Variants in ZXDC observed in about 807,000 individuals in gnomAD.
ZXDC encodes the protein zinc finger protein ZXDC.
A neutral mutation model predicts 63.6 loss-of-function variants in ZXDC; 58 were observed. The ratio of observed to expected loss-of-function variants is 0.91; its 90% CI spans 0.74 to 1.13. ZXDC has a LOEUF of 1.13. Among genes scored for constraint, ZXDC ranks in the 50% most tolerant of loss-of-function variants. The probability of loss-of-function intolerance (pLI) is 0.00; values close to 1 mark genes in which losing one functional copy is unlikely to be tolerated. For synonymous variants in ZXDC, 561 were observed against 496.1 expected (o/e 1.13, Z -1.74); for missense variants, 1,133 against 1,148.9 (o/e 0.99, Z 0.20).
intron 7 of ZXDC, among the ~76,000 whole-genome samples, chr3:126,449,623 A>G (rs994754078): frequency 6.6e-6 from 1 of 152,198 alleles, no homozygotes; most frequent in African/African-American, 2.4e-5. Context: ...TGGCAAAGTC[A>G]ATTCCATTTC....
At chr3:126,460,478 G>C (rs1934481707) in intron 6 of ZXDC, 4 of 985,410 alleles carry the variant, frequency 4.1e-6, no homozygotes, top group Non-Finnish European at 4.8e-6. Context: ...CCAAGGTCTT[G>C]CTGGCTTCTC....
chr3:126,450,266 G>A (rs1268024845), intron 7 of ZXDC: 1 of 450,372 alleles, frequency 2.2e-6, no homozygotes, highest in Non-Finnish European at 4.5e-6. Context: ...GGTCAGTGGT[G>A]TGGAGGGAGC....
At chr3:126,463,071 TA>T (rs1407824995) in intron 5 of ZXDC, among the ~76,000 whole-genome samples, 104 of 92,146 alleles carry the variant, frequency 1.1e-3, no homozygotes, top group Non-Finnish European at 1.6e-3. Flanking sequence ...TAATTATTAT[TA>T]TTATTATTTT....
intron 9 of ZXDC, among the ~76,000 whole-genome samples, chr3:126,438,773 G>A (rs920392351): frequency 2.6e-5 from 4 of 152,118 alleles, no homozygotes; most frequent in Non-Finnish European, 4.4e-5. Flanking sequence ...CTTCTCACGC[G>A]GTGAGCACTC....
At chr3:126,453,286 T>C in intron 7 of ZXDC, 2 of 985,490 alleles carry the variant, frequency 2.0e-6, no homozygotes, top group African/African-American at 1.7e-5. Context: ...CTTTTTTTAA[T>C]TGCTCAGACA....
chr3:126,444,226 A>C (rs1933785953), intron 7 of ZXDC, among the ~76,000 whole-genome samples: 1 of 152,192 alleles, frequency 6.6e-6, no homozygotes, highest in Non-Finnish European at 1.5e-5. Context: ...AAAATACTGA[A>C]ACATGTTATT....
chr3:126,453,738 A>G, intron 7 of ZXDC: 1 of 980,560 alleles, frequency 1.0e-6, no homozygotes, highest in Non-Finnish European at 1.2e-6. Context: ...CTTGTTGCCC[A>G]GGCTGCAGTG....
chr3:126,449,259 C>T (rs927452021), intron 7 of ZXDC, among the ~76,000 whole-genome samples: 1 of 152,198 alleles, frequency 6.6e-6, no homozygotes, highest in African/African-American at 2.4e-5. Flanking sequence ...TAAGGTCTCA[C>T]TATGTTGCCC....
Position 126,475,275 on chromosome 3 carries a change from G to C in ZXDC, c.591C>G (p.Leu197=). 3.2e-6 allele frequency: 5 copies of C among 1,552,784 alleles called. No homozygotes were observed. The highest frequency in any genetic ancestry group is 4.4e-6 in the Non-Finnish European group (5 of 1,148,232). The part of the protein sequence containing the change: ...AKKHQLKVHL[L]THGGGQGRRP... ...GCCGGCCCTGACCGCCGCCGTGCGTGAGCAGGTGCACCTTGAGCTGGTGCT... is the reference window on the plus strand; with the variant it reads ...GCCGGCCCTGACCGCCGCCGTGCGTCAGCAGGTGCACCTTGAGCTGGTGCT... The change falls in exon 1 of 10, where the codon CTC becomes CTG. Residue 197 remains leucine (L), a synonymous_variant. Transcript: ENST00000389709.
intron 8 of ZXDC, chr3:126,440,262 C>T (rs1177345937): frequency 9.1e-6 from 9 of 990,064 alleles, no homozygotes; most frequent in African/African-American, 3.5e-5. Context: ...GCCTGTCCTG[C>T]ACCTGCATGT....
chr3:126,464,422 C>A (rs781249724), intron 5 of ZXDC, among the ~76,000 whole-genome samples: 1 of 152,200 alleles, frequency 6.6e-6, no homozygotes, highest in South Asian at 2.1e-4. Flanking sequence ...CCATTGAGGG[C>A]GTGACATAAT....
At chr3:126,464,575 G>A (rs1934681522) in intron 5 of ZXDC, among the ~76,000 whole-genome samples, 1 of 152,118 alleles carries the variant, frequency 6.6e-6, no homozygotes, top group African/African-American at 2.4e-5. Flanking sequence ...GGGATACATA[G>A]GTTGCTACAG....
chr3:126,445,073 C>T (rs910964761), intron 7 of ZXDC, among the ~76,000 whole-genome samples: 12 of 152,108 alleles, frequency 7.9e-5, no homozygotes, highest in Admixed American at 5.9e-4. Context: ...CTTTTCAATC[C>T]GCACATTTAA....
In ZXDC at chr3:126,461,597, G is replaced by T. The variant is rs775199161; in HGVS notation, c.2065C>A (p.Pro689Thr). ...TCCTGGGCACCGTGCTGCTCTGCTG[G>T]ACTGGGCAACGTGGACTGGGGCAGC... ...HGLPQSTLPS[P>T]AEQHGAQDTE... Residue 689 changes from proline to threonine, a missense_variant, in exon 6 of 10, where the codon CCA (proline) becomes ACA (threonine). Transcript: ENST00000389709. 6.2e-7 allele frequency: 1 copy of T among 1,614,156 alleles called. No individual in the cohort carries two copies. The highest frequency in any genetic ancestry group is 1.7e-5 in the Admixed American group (1 of 60,022).
At chr3:126,472,974 G>A (rs1436228307) in intron 1 of ZXDC, among the ~76,000 whole-genome samples, 1 of 152,130 alleles carries the variant, frequency 6.6e-6, no homozygotes, top group Non-Finnish European at 1.5e-5. Flanking sequence ...GAAAACATGA[G>A]GCTGCAGGAT....
intron 9 of ZXDC, among the ~76,000 whole-genome samples, chr3:126,439,369 T>G (rs1206049792): frequency 6.6e-6 from 1 of 152,210 alleles, no homozygotes; most frequent in Non-Finnish European, 1.5e-5. Flanking sequence ...GAGAATTAAC[T>G]GGAATTCCTA....
intron 7 of ZXDC, chr3:126,452,226 G>A (rs1934133080): frequency 5.1e-6 from 5 of 985,314 alleles, no homozygotes; most frequent in African/African-American, 1.7e-5. Flanking sequence ...TAGCTACAGT[G>A]CAAATCCTCT....
chr3:126,457,645 TCA>T (rs1454992219), intron 7 of ZXDC: 78 of 985,298 alleles, frequency 7.9e-5, no homozygotes, highest in Non-Finnish European at 9.3e-5. Flanking sequence ...GATTCAAACA[TCA>T]TGAACTGCAC....
chr3:126,444,304 G>T (rs1019420614), intron 7 of ZXDC, among the ~76,000 whole-genome samples: 1 of 152,166 alleles, frequency 6.6e-6, no homozygotes, highest in Non-Finnish European at 1.5e-5. Flanking sequence ...AGGCCAAGGC[G>T]GGCAGATTAC....
Sources: allele counts gnomAD v4.1 joint callset (sites outside exome capture counted in the v4.1 genomes callset), GRCh38; gene constraint gnomAD v4.1.1; transcripts MANE v1.5; gene names NCBI Gene and HGNC (gene_info 2026-07-23, HGNC 2026-07-21).